The following PLA2G10 variants were observed in gnomAD, a reference collection of about 807,000 sequenced individuals.
PLA2G10 encodes group 10 secretory phospholipase A2.
A neutral mutation model predicts 7.9 loss-of-function variants in PLA2G10; 9 were observed. That is an observed-to-expected ratio of 1.14 (90% confidence interval 0.68 to 1.98). The LOEUF is 1.98. Ranked by LOEUF, PLA2G10 falls within the 30% of genes most tolerant of loss-of-function variation. The pLI is 0.00. For synonymous variants in PLA2G10, 19 were observed against 27.5 expected (o/e 0.69, Z 0.97); for missense variants, 53 against 65.4 (o/e 0.81, Z 0.66).
At chr16:14,682,944 C>T (rs1215807228) in intron 3 of PLA2G10, among the ~76,000 whole-genome samples, 1 of 152,102 alleles carries the variant, frequency 6.6e-6, no homozygotes, top group African/African-American at 2.4e-5. Flanking sequence ...TGGCAGGGGC[C>T]TGTAATCCCA....
chr16:14,685,916 GC>G (rs776395206), intron 3 of PLA2G10, among the ~76,000 whole-genome samples: 1 of 150,156 alleles, frequency 6.7e-6, no homozygotes, highest in Non-Finnish European at 1.5e-5. Context: ...CTCGTGATCC[GC>G]CCACCTCAGC....
At chr16:14,672,871 G>C in intron 3 of PLA2G10, 122 bp from the exon 4 acceptor site, 2 of 865,044 alleles carry the variant, frequency 2.3e-6, no homozygotes, top group Non-Finnish European at 3.7e-6. Flanking sequence ...AGCCCACCAC[G>C]TGATCTCCAT....
chr16:14,676,310 ATTTG>A (rs2151849512), intron 3 of PLA2G10, among the ~76,000 whole-genome samples: 1 of 152,306 alleles, frequency 6.6e-6, no homozygotes, highest in East Asian at 1.9e-4. Context: ...ACGTGCGCGC[ATTTG>A]TTTATCACAG....
intron 3 of PLA2G10, among the ~76,000 whole-genome samples, chr16:14,687,445 T>G (rs536793817): frequency 6.6e-6 from 1 of 150,612 alleles, no homozygotes; most frequent in African/African-American, 2.4e-5. Flanking sequence ...TCCTCCCACC[T>G]CAGCCTCCCA....
chr16:14,684,183 C>A lies in PLA2G10; in HGVS notation c.355+3982G>T, dbSNP rs545981229. Among the ~76,000 whole-genome samples the A allele has an allele frequency of 1.5e-4, 22 of 150,312 alleles. No homozygotes were observed. In the East Asian group the frequency reaches 3.7e-3, roughly 26 times the overall value. ...AGACAGCCTGGCCAACATGGTGAAA[C>A]CCCGTCTCTACTAAAAAATATATAA... On this transcript the variant is annotated intron_variant, in intron 3 of 3. Coordinates refer to ENST00000438167, the MANE Select transcript of PLA2G10 (RefSeq NM_003561.3).
intron 3 of PLA2G10, among the ~76,000 whole-genome samples, chr16:14,686,836 T>A (rs1351699582): frequency 6.6e-6 from 1 of 152,100 alleles, no homozygotes; most frequent in Admixed American, 6.6e-5. Flanking sequence ...CCAGATGCAG[T>A]GGCTCACACC....
intron 3 of PLA2G10, among the ~76,000 whole-genome samples, chr16:14,675,499 G>T (rs1024776776): frequency 2.0e-5 from 3 of 152,100 alleles, no homozygotes; most frequent in Admixed American, 2.0e-4. Flanking sequence ...AAAAGCTTCT[G>T]CATAGCAAAA....
chr16:14,674,201 C>T (rs1485694989), intron 3 of PLA2G10, among the ~76,000 whole-genome samples: 3 of 151,028 alleles, frequency 2.0e-5, no homozygotes, highest in African/African-American at 7.3e-5. Flanking sequence ...TCTCTACAAA[C>T]AGAACTACAA....
At chr16:14,677,369 A>G (rs1044715935) in intron 3 of PLA2G10, among the ~76,000 whole-genome samples, 4 of 151,794 alleles carry the variant, frequency 2.6e-5, no homozygotes, top group Non-Finnish European at 5.9e-5. Context: ...TAGTTCTAAA[A>G]CTTTTCATTT....
At chr16:14,682,445 T>G (rs1051695317) in intron 3 of PLA2G10, among the ~76,000 whole-genome samples, 5 of 151,806 alleles carry the variant, frequency 3.3e-5, no homozygotes, top group African/African-American at 1.2e-4. Context: ...CATGGTGGTG[T>G]GCACCTCTAG....
chr16:14,676,167 G>C (rs1378043183), intron 3 of PLA2G10, among the ~76,000 whole-genome samples: 1 of 152,158 alleles, frequency 6.6e-6, no homozygotes, highest in East Asian at 1.9e-4. Flanking sequence ...CTGGTGCTAA[G>C]ATCAGTTAGC....
At chr16:14,682,280 T>G (rs1201861003) in intron 3 of PLA2G10, among the ~76,000 whole-genome samples, 1 of 152,140 alleles carries the variant, frequency 6.6e-6, no homozygotes, top group Non-Finnish European at 1.5e-5. Context: ...TAGCTGAAGA[T>G]CTAAAAACAT....
chr16:14,672,746 G>C lies in PLA2G10; in HGVS notation c.359C>G (p.Pro120Arg). 6.2e-7 allele frequency: 1 copy of C among 1,613,702 alleles called. No individual in the cohort carries two copies. Among genetic ancestry groups the C allele is most frequent in the South Asian group, 1.1e-5 (1 of 91,038 alleles). Residue 120 changes from proline (P) to arginine (R), a missense_variant, in exon 4 of 4, where the codon CCG becomes CGG. By Grantham distance (103) the Pro-to-Arg change is moderately radical (BLOSUM62 -2). Transcript: ENST00000438167. ...CAGTTCTTGGCATTTGTTCTCTGCC[G>C]GTCCTGGAAGAAGTGGGGAAACTGA... ...QCVNQSVLCG[P>R]AENKCQELLC...
chr16:14,682,537 C>T (rs148431946), intron 3 of PLA2G10, among the ~76,000 whole-genome samples: 54 of 152,274 alleles, frequency 3.5e-4, no homozygotes, highest in African/African-American at 1.3e-3. Flanking sequence ...GATCACTCCA[C>T]TGTACTCCTG....
At chr16:14,678,890 T>C (rs1960801265) in intron 3 of PLA2G10, 1 of 247,474 alleles carries the variant, frequency 4.0e-6, no homozygotes, top group African/African-American at 2.3e-5. Context: ...CTCTCCGACA[T>C]CATCCCCTAC....
At chr16:14,684,637 G>C (rs534246771) in intron 3 of PLA2G10, among the ~76,000 whole-genome samples, 1 of 152,264 alleles carries the variant, frequency 6.6e-6, no homozygotes, top group South Asian at 2.1e-4. Flanking sequence ...CTGCACTCCA[G>C]CCTGGGCGAC....
rs569619152 is a variant in PLA2G10 at position 14,673,264 on chromosome 16, C to A, written c.356-515G>T. Reference sequence around the variant, plus strand: ...TCTCGAACTCCTGACCTCAGGTGATCCACCTACCTCGGCCTCCGAAAGTGC... The same window carrying A: ...TCTCGAACTCCTGACCTCAGGTGATACACCTACCTCGGCCTCCGAAAGTGC... On this transcript the variant is annotated intron_variant, in intron 3 of 3. Transcript: ENST00000438167. Among the ~76,000 whole-genome samples the A allele has an allele frequency of 6.6e-5, 10 of 152,160 alleles. No individual in the cohort carries two copies. In the East Asian group the frequency reaches 1.4e-3, roughly 21 times the overall value.
chr16:14,675,467 T>C (rs779291950), intron 3 of PLA2G10, among the ~76,000 whole-genome samples: 1 of 151,776 alleles, frequency 6.6e-6, no homozygotes, highest in Non-Finnish European at 1.5e-5. Context: ...CAAAAATAAA[T>C]AAATAGGACT....
At chr16:14,683,228 CTTTTTTTG>C (rs1031330515) in intron 3 of PLA2G10, among the ~76,000 whole-genome samples, 3 of 147,986 alleles carry the variant, frequency 2.0e-5, no homozygotes, top group African/African-American at 5.0e-5. Flanking sequence ...CTTTTTCTTT[CTTTTTTTG>C]TTTTTTTTTT....
Sources: allele counts gnomAD v4.1 joint callset (sites outside exome capture counted in the v4.1 genomes callset), GRCh38; gene constraint gnomAD v4.1.1; transcripts MANE v1.5; gene names NCBI Gene and HGNC (gene_info 2026-07-23, HGNC 2026-07-21).